The following NF1 variants were observed in gnomAD, a reference collection of about 807,000 sequenced individuals.
NF1 encodes neurofibromin 1, also known as neurofibromin.
NF1 carries 122 observed loss-of-function variants against 325.7 expected under a neutral mutation model. The observed-to-expected ratio is 0.37, with a 90% CI of 0.32 to 0.44. The LOEUF is 0.44. Ranked by LOEUF, NF1 falls within the 20% of genes least tolerant of loss-of-function variation. The pLI is 1.00. For missense variants in NF1, 2,140 were observed against 3,415.4 expected, an observed-to-expected ratio of 0.63 and a Z score of 9.31; for synonymous variants, 1,091 against 1,186.0, an observed-to-expected ratio of 0.92 and a Z score of 1.65.
At chr17:31,350,458 A>T in intron 50 of NF1, 140 bp downstream of exon 50, 1 of 689,972 alleles carries the variant, frequency 1.4e-6, no homozygotes, top group Non-Finnish European at 2.5e-6. Flanking sequence ...AGTGAAACTC[A>T]TTTTATAAAT....
chr17:31,128,688 C>T (rs1186816409), intron 1 of NF1, among the ~76,000 whole-genome samples: 13 of 151,990 alleles, frequency 8.6e-5, no homozygotes, highest in Admixed American at 2.6e-4. Context: ...TTTGGGAGGC[C>T]GAGGCGGGCA....
intron 36 of NF1, chr17:31,272,205 CTG>C (rs1214269516): frequency 1.3e-5 from 2 of 152,126 alleles, no homozygotes; most frequent in African/African-American, 4.8e-5. Flanking sequence ...TAATAAGAAA[CTG>C]AGATAAGAAT....
At chr17:31,275,095 CAAACA>C (rs1262004966) in intron 36 of NF1, among the ~76,000 whole-genome samples, 7 of 152,086 alleles carry the variant, frequency 4.6e-5, no homozygotes, top group Non-Finnish European at 1.0e-4. Context: ...TGTTCCCAAA[CAAACA>C]ATAGTCAATT....
chr17:31,345,440 G>A (rs1363438098), intron 48 of NF1: 56 of 1,325,158 alleles, frequency 4.2e-5, no homozygotes, highest in Non-Finnish European at 5.2e-5. Context: ...GTAGGGGGCC[G>A]AGAAACAAAG....
At chr17:31,236,427 GTTTA>G (rs1413251416) in intron 29 of NF1, among the ~76,000 whole-genome samples, 1 of 151,878 alleles carries the variant, frequency 6.6e-6, no homozygotes, top group African/African-American at 2.4e-5. Context: ...GCAGGCTGCA[GTTTA>G]TTTATTTGTC....
Position 31,374,914 on chromosome 17 carries a change from T to C in NF1, c.*759T>C, listed in dbSNP as rs1597883661. 4.4e-6 allele frequency: 1 copy of C among 225,886 alleles called. No homozygotes were observed. The allele number at this position is 225,886 out of a possible 1,614,324, so 14.0% of individuals were successfully genotyped here. On this transcript the variant is annotated 3_prime_UTR_variant, in exon 58 of 58. Transcript: ENST00000358273. ...ACTCAGTCATCCAAACTAGTTTATTTTTTTCTCCAGTTGATTATCTTTTAA... is the reference window on the plus strand; with the variant it reads ...ACTCAGTCATCCAAACTAGTTTATTCTTTTCTCCAGTTGATTATCTTTTAA...
intron 36 of NF1, among the ~76,000 whole-genome samples, chr17:31,289,406 T>C (rs577073054): frequency 6.6e-6 from 1 of 152,332 alleles, no homozygotes; most frequent in East Asian, 1.9e-4. Flanking sequence ...GTCTTCTTAT[T>C]TCTCTTGTTT....
chr17:31,337,642 A>T (rs2151556903), intron 43 of NF1, 60 bp downstream of exon 43: 1 of 1,494,822 alleles, frequency 6.7e-7, no homozygotes, highest in Non-Finnish European at 9.2e-7. Flanking sequence ...ATATGTTAAT[A>T]CTATATAGAA....
chr17:31,255,505 A>C (rs1375654205), intron 31 of NF1, among the ~76,000 whole-genome samples: 1 of 152,232 alleles, frequency 6.6e-6, no homozygotes, highest in Non-Finnish European at 1.5e-5. Flanking sequence ...TTTTAGTTCC[A>C]AAATTATATT....
intron 13 of NF1, among the ~76,000 whole-genome samples, chr17:31,217,457 A>G (rs1168255431): frequency 6.6e-6 from 1 of 151,446 alleles, no homozygotes; most frequent in African/African-American, 2.4e-5. Flanking sequence ...GATTACAAGC[A>G]CCCGCCACCA....
intron 31 of NF1, chr17:31,253,647 C>A (rs1403548029): frequency 6.6e-6 from 1 of 152,212 alleles, no homozygotes; most frequent in Non-Finnish European, 1.5e-5. Flanking sequence ...AAAAACACAT[C>A]ATTCTGCAAA....
chr17:31,246,126 A>G (rs2067386653), intron 29 of NF1, among the ~76,000 whole-genome samples: 1 of 152,234 alleles, frequency 6.6e-6, no homozygotes, highest in Admixed American at 6.5e-5. Context: ...TACCTGGTCT[A>G]TATGTCTTTC....
chr17:31,354,682 G>C (rs2070229708), intron 51 of NF1, among the ~76,000 whole-genome samples: 1 of 152,150 alleles, frequency 6.6e-6, no homozygotes, highest in African/African-American at 2.4e-5. Context: ...CACTAATGCA[G>C]GAGCAATGGG....
chr17:31,099,257 A>T (rs975833579), intron 1 of NF1, among the ~76,000 whole-genome samples: 3 of 152,224 alleles, frequency 2.0e-5, no homozygotes, highest in African/African-American at 7.2e-5. Context: ...TTAGTGCAGT[A>T]GACTCAGTTA....
chr17:31,200,969 T>C (rs1204524713), intron 9 of NF1, 68 bp from the exon 10 acceptor site: 14 of 1,603,772 alleles, frequency 8.7e-6, no homozygotes, highest in Non-Finnish European at 1.2e-5. Flanking sequence ...GTTGATGTTA[T>C]TACATGTTAG....
At chr17:31,132,587 G>A (rs545507838) in intron 1 of NF1, among the ~76,000 whole-genome samples, 5 of 152,176 alleles carry the variant, frequency 3.3e-5, no homozygotes, top group African/African-American at 1.2e-4. Flanking sequence ...TTTGTTTTCT[G>A]TTTTGTTAAT....
chr17:31,277,730 T>C (rs999859366), intron 36 of NF1, among the ~76,000 whole-genome samples: 2 of 152,172 alleles, frequency 1.3e-5, no homozygotes, highest in African/African-American at 4.8e-5. Context: ...GCTGGCTACA[T>C]CCATCCATGC....
In NF1 at chr17:31,206,141, C is replaced by G. The variant is rs541913895; in HGVS notation, c.1261-99C>G. 6 of 1,406,260 alleles carry G rather than the reference C, an allele frequency of 4.3e-6. No individual in the cohort carries two copies. In the East Asian group the frequency reaches 6.9e-5, roughly 16 times the overall value. The allele number at this position is 1,406,260 out of a possible 1,614,324, so 87.1% of individuals were successfully genotyped here. ...GTGTTTGCATGGTCTTAGAAAGTTC[C>G]CGACAAAAGGATAAAACTTAAAACT... is the stretch of plus-strand genomic sequence containing the variant. On this transcript the variant is annotated intron_variant, in intron 11 of 57. Coordinates refer to ENST00000358273, the MANE Select transcript of NF1 (RefSeq NM_001042492.3).
intron 29 of NF1, among the ~76,000 whole-genome samples, chr17:31,245,279 A>G (rs899348432): frequency 6.6e-6 from 1 of 152,180 alleles, no homozygotes; most frequent in African/African-American, 2.4e-5. Flanking sequence ...CTCCCTGCAT[A>G]TAATCCCCAT....
Sources: gnomAD v4.1 joint callset for allele counts (sites outside exome capture counted in the v4.1 genomes callset) on GRCh38, gnomAD v4.1.1 for gene constraint, MANE v1.5 for transcripts, NCBI Gene and HGNC (gene_info 2026-07-23, HGNC 2026-07-21) for gene names.